TCERG1L: variants seen among roughly 807,000 people sequenced by gnomAD.
The protein encoded by TCERG1L is transcription elongation regulator 1 like.
In TCERG1L, 37 loss-of-function variants were observed where a neutral mutation model predicts 56.3. That is an observed-to-expected ratio of 0.66 (90% CI 0.51 to 0.87). The LOEUF is 0.87. Among genes scored for constraint, TCERG1L ranks in the 40% least tolerant of loss-of-function variants. The pLI is 0.00. For missense variants in TCERG1L, 799 were observed against 774.2 expected (o/e 1.03, Z -0.38); for synonymous variants, 324 against 326.3 (o/e 0.99, Z 0.08).
intron 4 of TCERG1L, among the ~76,000 whole-genome samples, chr10:131,224,861 T>C (rs140807642): frequency 1.3e-4 from 20 of 152,100 alleles, no homozygotes; most frequent in South Asian, 6.2e-4. Flanking sequence ...ACACACTTTA[T>C]ACTCTAATTA....
chr10:131,278,545 G>A (rs894614401), intron 3 of TCERG1L, among the ~76,000 whole-genome samples: 2 of 151,878 alleles, frequency 1.3e-5, no homozygotes, highest in Non-Finnish European at 2.9e-5. Context: ...GTTTCACCAT[G>A]TTGGGCAGCT....
intron 9 of TCERG1L, among the ~76,000 whole-genome samples, chr10:131,115,150 C>T (rs968337957): frequency 1.3e-5 from 2 of 152,248 alleles, no homozygotes; most frequent in African/African-American, 4.8e-5. Context: ...CCGATATAGG[C>T]AAGTTTCCTG....
At chr10:131,138,785 A>G (rs1845701317) in intron 7 of TCERG1L, among the ~76,000 whole-genome samples, 1 of 152,222 alleles carries the variant, frequency 6.6e-6, no homozygotes, top group African/African-American at 2.4e-5. Context: ...CATTGTGAAC[A>G]TACTGAACGC....
At chr10:131,142,207 G>A (rs1206418474) in intron 7 of TCERG1L, among the ~76,000 whole-genome samples, 1 of 152,228 alleles carries the variant, frequency 6.6e-6, no homozygotes, top group African/African-American at 2.4e-5. Flanking sequence ...AGAGAGCCTG[G>A]GGCAGGTGGG....
At chr10:131,178,906 C>T (rs898958908) in intron 4 of TCERG1L, among the ~76,000 whole-genome samples, 7 of 152,230 alleles carry the variant, frequency 4.6e-5, no homozygotes, top group East Asian at 1.9e-4. Context: ...GAAGGCAAAG[C>T]GGTTCCAGCA....
At chr10:131,188,230 C>T (rs910382738) in intron 4 of TCERG1L, among the ~76,000 whole-genome samples, 1 of 152,174 alleles carries the variant, frequency 6.6e-6, no homozygotes, top group African/African-American at 2.4e-5. Flanking sequence ...TACAATTAGT[C>T]TCATTGATGG....
rs372981768 is a variant in TCERG1L, at chr10:131,237,771, G to A, written c.856+22488C>T. ...ACTCCATGGTTCAGCCAGTCCAATCGCTTCTCTCCTAAATATTTCCCTGTA... is the reference window on the plus strand; with the variant it reads ...ACTCCATGGTTCAGCCAGTCCAATCACTTCTCTCCTAAATATTTCCCTGTA... On this transcript the variant is annotated intron_variant, in intron 4 of 11. Coordinates refer to ENST00000368642, the MANE Select transcript of TCERG1L (RefSeq NM_174937.4). Among the ~76,000 whole-genome samples the A allele has an allele frequency of 5.3e-5, 8 of 152,260 alleles. No individual in the cohort carries two copies. In the East Asian group the frequency reaches 1.4e-3, roughly 26 times the overall value.
intron 4 of TCERG1L, among the ~76,000 whole-genome samples, chr10:131,216,802 C>T (rs758586655): frequency 3.9e-5 from 6 of 152,214 alleles, no homozygotes; most frequent in African/African-American, 1.4e-4. Flanking sequence ...GGGGTGCACA[C>T]AGGCATCGGA....
chr10:131,193,751 T>C (rs1364471574), intron 4 of TCERG1L, among the ~76,000 whole-genome samples: 2 of 152,278 alleles, frequency 1.3e-5, no homozygotes, highest in Non-Finnish European at 2.9e-5. Context: ...ATCCTTGTCA[T>C]GTAATTTGAA....
At chr10:131,132,715 G>GC (rs925618123) in intron 8 of TCERG1L, among the ~76,000 whole-genome samples, 8 of 152,352 alleles carry the variant, frequency 5.3e-5, no homozygotes, top group Non-Finnish European at 7.3e-5. Flanking sequence ...GGAGCCCTTG[G>GC]CCCCCGTCAG....
In TCERG1L at chr10:131,103,833, G is replaced by T. The variant is rs1845325940; in HGVS notation, c.1485+432C>A. ...CCTTCCTCCATTCTATTTGTTAGGGGTTTCTTAACATTAGTGACTTCATTT... is the reference window on the plus strand; with the variant it reads ...CCTTCCTCCATTCTATTTGTTAGGGTTTTCTTAACATTAGTGACTTCATTT... On this transcript the variant is annotated intron_variant, in intron 10 of 11. Transcript: ENST00000368642. The surrounding 1 kb of genome is among the most constrained non-coding windows in gnomAD (Gnocchi z 4.3). Among the ~76,000 whole-genome samples the T allele has an allele frequency of 6.6e-6, 1 of 152,068 alleles. No individual in the cohort carries two copies. Among genetic ancestry groups the T allele is most frequent in the Non-Finnish European group, 1.5e-5 (1 of 68,026 alleles).
chr10:131,295,339 A>G (rs912018279), intron 3 of TCERG1L, among the ~76,000 whole-genome samples: 2 of 152,222 alleles, frequency 1.3e-5, no homozygotes, highest in African/African-American at 4.8e-5. Flanking sequence ...GGGAACTAGG[A>G]TAAGAGTGTT....
At chr10:131,124,562 C>G (rs374013603) in intron 8 of TCERG1L, among the ~76,000 whole-genome samples, 1 of 152,158 alleles carries the variant, frequency 6.6e-6, no homozygotes, top group Non-Finnish European at 1.5e-5. Context: ...AAGTGTGCTA[C>G]GGTTTTGATA....
At chr10:131,204,621 GGTGT>G (rs986246187) in intron 4 of TCERG1L, among the ~76,000 whole-genome samples, 2 of 152,236 alleles carry the variant, frequency 1.3e-5, no homozygotes, top group Non-Finnish European at 1.5e-5. Context: ...CAGATCCAAA[GGTGT>G]GTGTCCTCAA....
intron 4 of TCERG1L, among the ~76,000 whole-genome samples, chr10:131,174,507 G>A (rs1039606917): frequency 6.6e-6 from 1 of 152,002 alleles, no homozygotes; most frequent in Non-Finnish European, 1.5e-5. Flanking sequence ...AGGGCCCACC[G>A]CTGCAGCTCC....
chr10:131,233,871 G>A (rs1349922814), intron 4 of TCERG1L, among the ~76,000 whole-genome samples: 1 of 152,162 alleles, frequency 6.6e-6, no homozygotes, highest in Non-Finnish European at 1.5e-5. Flanking sequence ...GCTTGATGCT[G>A]TTCTCTGTAG....
intron 8 of TCERG1L, among the ~76,000 whole-genome samples, chr10:131,117,170 G>A (rs935972560): frequency 1.3e-5 from 2 of 152,072 alleles, no homozygotes; most frequent in Non-Finnish European, 2.9e-5. Context: ...CCCCGGGCCC[G>A]GCTGTGAGAA....
chr10:131,240,641 C>T (rs977611826), intron 4 of TCERG1L, among the ~76,000 whole-genome samples: 5 of 152,180 alleles, frequency 3.3e-5, no homozygotes, highest in East Asian at 1.9e-4. Flanking sequence ...TGCAGACAGA[C>T]GTGAGCCACG....
chr10:131,158,943 A>G (rs1034073833), intron 6 of TCERG1L, among the ~76,000 whole-genome samples: 3 of 152,240 alleles, frequency 2.0e-5, no homozygotes, highest in Non-Finnish European at 4.4e-5. Flanking sequence ...TTCAGCTGGC[A>G]GTGCCCGTGG....
Sources: allele counts gnomAD v4.1 joint callset (sites outside exome capture counted in the v4.1 genomes callset), GRCh38; gene constraint gnomAD v4.1.1; non-coding constraint Gnocchi (gnomAD v3.1); transcripts MANE v1.5; gene names NCBI Gene and HGNC (gene_info 2026-07-23, HGNC 2026-07-21).